BMP2K: variants seen among roughly 807,000 people sequenced by gnomAD.
BMP2K encodes BMP2 inducible kinase.
A neutral mutation model predicts 116.0 loss-of-function variants in BMP2K; 74 were observed. The ratio of observed to expected loss-of-function variants is 0.64; its 90% CI spans 0.53 to 0.77. The LOEUF (loss-of-function observed/expected upper bound fraction) is 0.77. Among genes scored for constraint, BMP2K ranks in the 30% least tolerant of loss-of-function variants. The probability of loss-of-function intolerance (pLI) is 0.00; values close to 1 mark genes in which losing one functional copy is unlikely to be tolerated. For missense variants in BMP2K, 1,365 were observed against 1,403.6 expected (o/e 0.97, Z 0.44); for synonymous variants, 486 against 502.5 (o/e 0.97, Z 0.44).
chr4:78,896,605 C>T (rs1188556141), intron 15 of BMP2K, among the ~76,000 whole-genome samples: 4 of 152,162 alleles, frequency 2.6e-5, no homozygotes, highest in Non-Finnish European at 4.4e-5. Flanking sequence ...GATTATTATA[C>T]ATGGTGAATG....
chr4:78,799,521 G>C (rs897783451), intron 1 of BMP2K, among the ~76,000 whole-genome samples: 1 of 152,278 alleles, frequency 6.6e-6, no homozygotes, highest in East Asian at 1.9e-4. Flanking sequence ...ATAAGAATTT[G>C]TGTTTTTAGC....
At chr4:78,820,189 C>A (rs988252451) in intron 1 of BMP2K, among the ~76,000 whole-genome samples, 9 of 152,186 alleles carry the variant, frequency 5.9e-5, no homozygotes, top group African/African-American at 2.2e-4. Flanking sequence ...AAAATGCCAT[C>A]AGTATATAAT....
intron 13 of BMP2K, among the ~76,000 whole-genome samples, chr4:78,874,846 A>T (rs1732556093): frequency 6.6e-6 from 1 of 152,212 alleles, no homozygotes. Flanking sequence ...ATTTGTAGTG[A>T]TGCTATTCGA....
chr4:78,829,852 T>TTCTCTTCTC (rs1730121746), intron 2 of BMP2K, among the ~76,000 whole-genome samples: 1 of 83,088 alleles, frequency 1.2e-5, no homozygotes, highest in Admixed American at 1.5e-4. Flanking sequence ...CTTCTCTTCT[T>TTCTCTTCTC]TTTTTCTTTT....
chr4:78,778,088 G>A (rs1465414154), intron 1 of BMP2K, among the ~76,000 whole-genome samples: 2 of 152,160 alleles, frequency 1.3e-5, no homozygotes, highest in African/African-American at 2.4e-5. Context: ...GGTTTTAAAA[G>A]CACATGGCTC....
At chr4:78,896,265 A>T (rs1733698127) in intron 15 of BMP2K, among the ~76,000 whole-genome samples, 1 of 152,326 alleles carries the variant, frequency 6.6e-6, no homozygotes, top group South Asian at 2.1e-4. Context: ...GCAGTTTTTT[A>T]TACAAATGCC....
intron 1 of BMP2K, among the ~76,000 whole-genome samples, chr4:78,809,928 A>G (rs750372414): frequency 3.9e-5 from 6 of 152,168 alleles, no homozygotes; most frequent in Non-Finnish European, 5.9e-5. Context: ...TGCATGTCTT[A>G]TAATTTTTTG....
At chr4:78,887,499 A>C (rs1419310182) in intron 15 of BMP2K, among the ~76,000 whole-genome samples, 1 of 152,208 alleles carries the variant, frequency 6.6e-6, no homozygotes, top group Non-Finnish European at 1.5e-5. Context: ...GCTGATTTAC[A>C]CAATAGAAAC....
intron 1 of BMP2K, among the ~76,000 whole-genome samples, chr4:78,825,747 G>A (rs927519494): frequency 2.0e-5 from 3 of 152,150 alleles, no homozygotes; most frequent in African/African-American, 7.2e-5. Context: ...ACATAATTGT[G>A]ACATTTTTCA....
intron 1 of BMP2K, among the ~76,000 whole-genome samples, chr4:78,799,018 A>G (rs1464940694): frequency 6.6e-6 from 1 of 152,226 alleles, no homozygotes; most frequent in Non-Finnish European, 1.5e-5. Flanking sequence ...AGAAACTTCT[A>G]ATTGTCTAGA....
intron 1 of BMP2K, among the ~76,000 whole-genome samples, chr4:78,794,984 G>A (rs1485062378): frequency 6.6e-6 from 1 of 152,202 alleles, no homozygotes; most frequent in Non-Finnish European, 1.5e-5. Context: ...TGAATAGGTT[G>A]GTGATGCTGT....
At chr4:78,836,341 G>C (rs1375588183) in intron 3 of BMP2K, among the ~76,000 whole-genome samples, 4 of 151,738 alleles carry the variant, frequency 2.6e-5, no homozygotes, top group Non-Finnish European at 5.9e-5. Flanking sequence ...GGCGTGAACC[G>C]GGGAGGTGGA....
intron 15 of BMP2K, among the ~76,000 whole-genome samples, chr4:78,898,668 A>T (rs967548903): frequency 1.3e-5 from 2 of 151,674 alleles, no homozygotes; most frequent in Non-Finnish European, 2.9e-5. Flanking sequence ...AAAAAAAAAA[A>T]AAGACCATTG....
chr4:78,890,395 C>T (rs1733366044), intron 15 of BMP2K, among the ~76,000 whole-genome samples: 1 of 139,916 alleles, frequency 7.1e-6, no homozygotes, highest in Admixed American at 6.7e-5. Flanking sequence ...CACACATACA[C>T]AATCATGCGC....
In BMP2K at chr4:78,847,201, T is replaced by C; in HGVS notation, c.682T>C (p.Ser228Pro). The C allele has an allele frequency of 6.4e-7, 1 of 1,573,548 alleles. No homozygotes were observed. Among genetic ancestry groups the C allele is most frequent in the Non-Finnish European group, 8.6e-7 (1 of 1,158,072 alleles). Residue 228 changes from serine to proline, a missense_variant, in exon 6 of 16, where the codon TCA becomes CCA. Transcript: ENST00000502613. ...EEEIKKYTTL[S>P]YRAPEMINLY... ...ATTTACTGCCAGGTATACAACTCTG[T>C]CATACAGAGCCCCTGAAATGATCAA...
chr4:78,872,493 T>C, intron 12 of BMP2K, 121 bp from the exon 13 acceptor site: 1 of 851,902 alleles, frequency 1.2e-6, no homozygotes, highest in East Asian at 2.7e-5. Context: ...TGTAGATGAT[T>C]GTTTTTTACG....
intron 1 of BMP2K, among the ~76,000 whole-genome samples, chr4:78,796,444 A>C (rs1291069518): frequency 2.0e-5 from 3 of 151,236 alleles, no homozygotes; most frequent in East Asian, 2.0e-4. Flanking sequence ...CTAGATGACG[A>C]GTTAGTGGGT....
chr4:78,897,748 C>T (rs1733779706), intron 15 of BMP2K, among the ~76,000 whole-genome samples: 1 of 151,984 alleles, frequency 6.6e-6, no homozygotes. Flanking sequence ...TCTAATTTCC[C>T]AGCCGTGATT....
chr4:78,826,007 TTTAAA>T, intron 1 of BMP2K, 25 bp from the exon 2 acceptor site: 2 of 1,531,146 alleles, frequency 1.3e-6, no homozygotes, highest in African/African-American at 1.4e-5. Context: ...TTTTGTTTCT[TTTAAA>T]TTAATTGGTG....
Sources: gnomAD v4.1 joint callset for allele counts (sites outside exome capture counted in the v4.1 genomes callset) on GRCh38, gnomAD v4.1.1 for gene constraint, MANE v1.5 for transcripts, NCBI Gene and HGNC (gene_info 2026-07-23, HGNC 2026-07-21) for gene names.